PPP2R1B: variants seen among roughly 807,000 people sequenced by gnomAD.
PPP2R1B encodes protein phosphatase 2 scaffold subunit Abeta, also known as serine/threonine-protein phosphatase 2A 65 kDa regulatory subunit A beta isoform.
A neutral mutation model predicts 72.7 loss-of-function variants in PPP2R1B; 58 were observed. The ratio of observed to expected loss-of-function variants is 0.80; its 90% CI spans 0.65 to 0.99. The LOEUF (loss-of-function observed/expected upper bound fraction) is 0.99. Among genes scored for constraint, PPP2R1B ranks in the 50% least tolerant of loss-of-function variants. The pLI, the probability that PPP2R1B is intolerant of heterozygous loss-of-function variation, is 0.00. For synonymous variants in PPP2R1B, 256 were observed against 264.6 expected, an observed-to-expected ratio of 0.97 and a Z score of 0.32; for missense variants, 695 against 733.6, an observed-to-expected ratio of 0.95 and a Z score of 0.61.
chr11:111,752,419 G>A, intron 9 of PPP2R1B, 87 bp from the exon 10 acceptor site: 1 of 1,341,390 alleles, frequency 7.5e-7, no homozygotes, highest in Non-Finnish European at 1.0e-6. Context: ...TAAAAGGTGA[G>A]GTAAGACTCA....
chr11:111,700,149 T>C, the PPP2R1B span, among the ~76,000 whole-genome samples: 1 of 152,262 alleles, frequency 6.6e-6, no homozygotes, highest in African/African-American at 2.4e-5. Flanking sequence ...TGAAGGCATC[T>C]AAGTAGTGTT....
Position 111,738,524 on chromosome 11 carries a change from C to T in PPP2R1B, c.*3072G>A. 1.0e-6 allele frequency: 1 copy of T among 985,466 alleles called. No homozygotes were observed. The highest frequency in any genetic ancestry group is 1.2e-6 in the Non-Finnish European group (1 of 829,942). The allele number at this position is 985,466 out of a possible 1,614,324, so 61.0% of individuals were successfully genotyped here. A position where few individuals can be genotyped will look rare whatever the true frequency, so the allele number is the denominator to read the frequency against. On this transcript the variant is annotated 3_prime_UTR_variant, in exon 15 of 15. Transcript: ENST00000527614. ...CTTCCCTGGAAGTCTACGCAAGCAA[C>T]CTGAATGCCTGGACAAGCCAGCTCA...
intron 5 of PPP2R1B, among the ~76,000 whole-genome samples, chr11:111,758,700 A>G (rs1276315859): frequency 6.6e-6 from 1 of 152,134 alleles, no homozygotes; most frequent in Non-Finnish European, 1.5e-5. Context: ...TGGAGGAGGA[A>G]AGAGAGATTG....
At chr11:111,747,041 A>G (rs1340580994) in intron 11 of PPP2R1B, among the ~76,000 whole-genome samples, 1 of 152,196 alleles carries the variant, frequency 6.6e-6, no homozygotes, top group African/African-American at 2.4e-5. Flanking sequence ...AGGCATAAGC[A>G]CCCATAGATG....
intron 15 of PPP2R1B, among the ~76,000 whole-genome samples, chr11:111,732,423 G>A (rs1382413619): frequency 6.6e-6 from 1 of 152,202 alleles, no homozygotes; most frequent in Non-Finnish European, 1.5e-5. Flanking sequence ...AGGTGCTGTG[G>A]CTGACACCTG....
intron 15 of PPP2R1B, chr11:111,727,781 G>A (rs1944023514): frequency 6.6e-6 from 1 of 152,362 alleles, no homozygotes; most frequent in Non-Finnish European, 1.5e-5. Context: ...ACAAGCAGCA[G>A]CCTGGAGTCA....
the PPP2R1B span, among the ~76,000 whole-genome samples, chr11:111,696,702 G>A: frequency 1.6e-4 from 25 of 152,320 alleles, no homozygotes; most frequent in Admixed American, 1.2e-3. Context: ...AGATGATGAT[G>A]TGGAGTCTTA....
the PPP2R1B span, among the ~76,000 whole-genome samples, chr11:111,696,855 T>G: frequency 2.6e-5 from 4 of 152,236 alleles, no homozygotes; most frequent in Admixed American, 2.6e-4. Context: ...TAAATGGCAG[T>G]AAGAAATAAA....
chr11:111,725,625 G>GCAT (rs992494421), downstream of PPP2R1B: 1 of 152,666 alleles, frequency 6.6e-6, no homozygotes, highest in African/African-American at 2.4e-5. Context: ...TAAGCACAAA[G>GCAT]CATCTTCCTT....
chr11:111,763,831 CAT>C (rs1161285995), intron 3 of PPP2R1B, among the ~76,000 whole-genome samples: 1 of 149,150 alleles, frequency 6.7e-6, no homozygotes, highest in Non-Finnish European at 1.5e-5. Flanking sequence ...GGCCTATATA[CAT>C]AGACAGAAAA....
chr11:111,761,891 C>A (rs1203053950), intron 3 of PPP2R1B, among the ~76,000 whole-genome samples: 1 of 152,040 alleles, frequency 6.6e-6, no homozygotes, highest in Non-Finnish European at 1.5e-5. Context: ...ACCCGGGAGG[C>A]AGAGGTTGCA....
chr11:111,701,138 T>C, the PPP2R1B span: 1 of 1,251,046 alleles, frequency 8.0e-7, no homozygotes, highest in Non-Finnish European at 1.1e-6. The surrounding 1 kb of genome is among the most constrained non-coding windows in gnomAD (Gnocchi z 4.2). Context: ...TCCACTGGAC[T>C]ATAATTACTC....
the PPP2R1B span, chr11:111,704,869 T>C: frequency 2.3e-5 from 28 of 1,221,996 alleles, no homozygotes; most frequent in Non-Finnish European, 3.1e-5. Flanking sequence ...TGAGACACTT[T>C]GTTTTTCACC....
rs769982919 is a variant in PPP2R1B at position 111,741,308 on chromosome 11, G to T, written c.*288C>A. 2 of 1,216,512 alleles carry T rather than the reference G, an allele frequency of 1.6e-6. No individual in the cohort carries two copies. Among genetic ancestry groups the T allele is most frequent in the Non-Finnish European group, 2.1e-6 (2 of 974,438 alleles). The allele number at this position is 1,216,512 out of a possible 1,614,324, so 75.4% of individuals were successfully genotyped here. On this transcript the variant is annotated 3_prime_UTR_variant, in exon 15 of 15. Transcript: ENST00000527614. Reference sequence around the variant, plus strand: ...GGCTGGTGCCTGATTCCACAGTGAGGATGCAGGAGCCCAGGTGGTGATGGA... The same window carrying T: ...GGCTGGTGCCTGATTCCACAGTGAGTATGCAGGAGCCCAGGTGGTGATGGA...
In PPP2R1B at chr11:111,766,341, G is replaced by C. The variant is rs543359988; in HGVS notation, c.21C>G (p.Leu7=). 1 of 1,567,784 alleles carries C rather than the reference G, an allele frequency of 6.4e-7. No individual in the cohort carries two copies. Among genetic ancestry groups the C allele is most frequent in the Non-Finnish European group, 8.6e-7 (1 of 1,162,108 alleles). The change falls in exon 1 of 15, where the codon CTC becomes CTG. Residue 7 remains leucine (L), a synonymous_variant. Transcript: ENST00000527614. MAGASE[L]GTGPGAAGGD... ...CACCCGCTGCTCCTGGGCCGGTCCCGAGCTCTGATGCGCCCGCCATGTTCT... is the reference window on the plus strand; with the variant it reads ...CACCCGCTGCTCCTGGGCCGGTCCCCAGCTCTGATGCGCCCGCCATGTTCT...
At chr11:111,727,463 G>A (rs982938959) in intron 15 of PPP2R1B, 6 of 199,670 alleles carry the variant, frequency 3.0e-5, no homozygotes, top group Non-Finnish European at 5.1e-5. Context: ...TGCCTCTTGT[G>A]TCCCTTCCCA....
Position 111,741,197 on chromosome 11 carries a change from C to G in PPP2R1B, c.*399G>C. The G allele has an allele frequency of 2.0e-6, 2 of 1,007,302 alleles. No homozygotes were observed. The highest frequency in any genetic ancestry group is 2.4e-6 in the Non-Finnish European group (2 of 843,822). The allele number at this position is 1,007,302 out of a possible 1,614,324, so 62.4% of individuals were successfully genotyped here. A position where few individuals can be genotyped will look rare whatever the true frequency, so the allele number is the denominator to read the frequency against. On this transcript the variant is annotated 3_prime_UTR_variant, in exon 15 of 15. Transcript: ENST00000527614. ...ATTTAGCTTTGGAATGATGGAGAGA[C>G]ACAGAGATATATGTAAACGTCAAGA... is the stretch of plus-strand genomic sequence containing the variant.
chr11:111,689,988 A>G, the PPP2R1B span, among the ~76,000 whole-genome samples: 9 of 151,186 alleles, frequency 6.0e-5, no homozygotes, highest in African/African-American at 1.9e-4. Context: ...GTATGTGTAT[A>G]TATATATATA....
intron 11 of PPP2R1B, among the ~76,000 whole-genome samples, chr11:111,747,489 C>T (rs1944745096): frequency 6.6e-6 from 1 of 152,198 alleles, no homozygotes; most frequent in Admixed American, 6.5e-5. Context: ...TAGTGTTTCC[C>T]ACACCTAAGA....
Sources: gnomAD v4.1 joint callset for allele counts (sites outside exome capture counted in the v4.1 genomes callset) on GRCh38, gnomAD v4.1.1 for gene constraint, Gnocchi (gnomAD v3.1) non-coding constraint, MANE v1.5 for transcripts, NCBI Gene and HGNC (gene_info 2026-07-23, HGNC 2026-07-21) for gene names.